FHIT: variants seen among roughly 807,000 people sequenced by gnomAD.
The protein encoded by FHIT is bis(5'-adenosyl)-triphosphatase.
In FHIT, 19 loss-of-function variants were observed where a neutral mutation model predicts 17.9. The observed-to-expected ratio is 1.06, with a 90% CI of 0.74 to 1.56. The LOEUF (loss-of-function observed/expected upper bound fraction) is 1.56, where lower values mean the gene tolerates loss of function less well. Ranked by LOEUF, FHIT falls within the 40% of genes most tolerant of loss-of-function variation. The probability of loss-of-function intolerance (pLI) is 0.00; values close to 1 mark genes in which losing one functional copy is unlikely to be tolerated. For synonymous variants in FHIT, 81 were observed against 69.7 expected (o/e 1.16, Z -0.81); for missense variants, 248 against 189.2 (o/e 1.31, Z -1.82).
At chr3:59,834,073 A>T (rs1010528172) in intron 8 of FHIT, among the ~76,000 whole-genome samples, 3 of 152,210 alleles carry the variant, frequency 2.0e-5, no homozygotes, top group Admixed American at 2.0e-4. Context: ...TAATACAGCT[A>T]TATTGCCATA....
At chr3:60,395,130 A>G (rs1437775829) in intron 5 of FHIT, among the ~76,000 whole-genome samples, 1 of 152,300 alleles carries the variant, frequency 6.6e-6, no homozygotes. Context: ...CAGAAATAGA[A>G]TTGAGTAGAA....
intron 5 of FHIT, among the ~76,000 whole-genome samples, chr3:60,411,424 A>G (rs1451269769): frequency 2.0e-5 from 3 of 152,194 alleles, no homozygotes; most frequent in Non-Finnish European, 4.4e-5. Flanking sequence ...CAGTAACCCT[A>G]CATTAGGGGA....
At chr3:61,153,815 A>G (rs1037707776) in intron 2 of FHIT, among the ~76,000 whole-genome samples, 1 of 152,204 alleles carries the variant, frequency 6.6e-6, no homozygotes, top group Non-Finnish European at 1.5e-5. Context: ...GCCTCGAGGT[A>G]TGTTTACAAT....
At chr3:59,926,773 T>C (rs771707847) in intron 7 of FHIT, among the ~76,000 whole-genome samples, 1 of 152,188 alleles carries the variant, frequency 6.6e-6, no homozygotes, top group Non-Finnish European at 1.5e-5. Context: ...AAAACCACAC[T>C]GAGCTACTAC....
chr3:60,348,189 G>GT (rs1710893982), intron 5 of FHIT, among the ~76,000 whole-genome samples: 1 of 150,870 alleles, frequency 6.6e-6, no homozygotes, highest in Admixed American at 6.6e-5. Context: ...ATTGACAAAT[G>GT]TTTGTTTAAC....
At chr3:59,761,522 G>T (rs1033196666) in intron 8 of FHIT, among the ~76,000 whole-genome samples, 3 of 151,934 alleles carry the variant, frequency 2.0e-5, no homozygotes, top group Non-Finnish European at 4.4e-5. Flanking sequence ...TAACAACCAA[G>T]AATAAAATAG....
At chr3:60,144,079 G>A (rs1352645322) in intron 5 of FHIT, among the ~76,000 whole-genome samples, 2 of 152,132 alleles carry the variant, frequency 1.3e-5, no homozygotes, top group Non-Finnish European at 2.9e-5. Flanking sequence ...CTCTTCAAAT[G>A]TGTGCTTTAT....
intron 4 of FHIT, among the ~76,000 whole-genome samples, chr3:60,767,721 A>G (rs553266462): frequency 6.6e-5 from 10 of 152,358 alleles, no homozygotes; most frequent in African/African-American, 1.7e-4. Context: ...GGCAAGCTCT[A>G]GATTAGAATC....
At chr3:61,052,369 AG>A (rs2034058703) in intron 2 of FHIT, among the ~76,000 whole-genome samples, 2 of 152,174 alleles carry the variant, frequency 1.3e-5, no homozygotes. Context: ...AACTGGCCCA[AG>A]TTCGACAGCC....
chr3:60,699,597 CG>C (rs202125260), intron 4 of FHIT, among the ~76,000 whole-genome samples: 1 of 145,318 alleles, frequency 6.9e-6, no homozygotes, highest in African/African-American at 2.8e-5. Context: ...AAAGCATTAT[CG>C]TTAGTGGGTG....
At chr3:60,245,427 A>T (rs921574380) in intron 5 of FHIT, among the ~76,000 whole-genome samples, 5 of 152,080 alleles carry the variant, frequency 3.3e-5, no homozygotes, top group Non-Finnish European at 7.4e-5. Context: ...AGGGTTCAAT[A>T]TTCAAAGTAC....
chr3:61,103,163 T>C (rs1198729639), intron 2 of FHIT, among the ~76,000 whole-genome samples: 2 of 152,256 alleles, frequency 1.3e-5, no homozygotes, highest in Admixed American at 6.5e-5. Flanking sequence ...CAATTTTATA[T>C]CTTTCCTGCT....
chr3:59,934,904 A>G (rs1473578557), intron 7 of FHIT, among the ~76,000 whole-genome samples: 1 of 152,148 alleles, frequency 6.6e-6, no homozygotes, highest in Non-Finnish European at 1.5e-5. Context: ...ACAATTCAAG[A>G]TGAGATTTGG....
At chr3:60,444,654 C>G (rs12163553) in intron 5 of FHIT, among the ~76,000 whole-genome samples, 1 of 151,824 alleles carries the variant, frequency 6.6e-6, no homozygotes, top group Admixed American at 6.6e-5. Flanking sequence ...ATGAGAACAC[C>G]TGGACACAGG....
intron 5 of FHIT, among the ~76,000 whole-genome samples, chr3:60,383,984 A>C (rs1448044203): frequency 6.6e-6 from 1 of 152,154 alleles, no homozygotes; most frequent in East Asian, 1.9e-4. Context: ...ATTTTTGGAG[A>C]TAGGACAGGC....
rs143145571 is a variant in FHIT at position 60,737,210 on chromosome 3, G to A, written c.-18+84709C>T. Among the ~76,000 whole-genome samples the A allele has an allele frequency of 4.8e-3, 736 of 152,254 alleles. 5 individuals carry two copies. The highest frequency in any genetic ancestry group is 0.017 in the African/African-American group (695 of 41,560). ...CCCATGAAACATTCAGAGCCTCCTT[G>A]TTAATAAACTACATTATGAGCCGGA... On this transcript the variant is annotated intron_variant, in intron 4 of 9. Coordinates refer to ENST00000492590, the MANE Select transcript of FHIT (RefSeq NM_002012.4).
At chr3:60,274,564 A>C (rs1051760692) in intron 5 of FHIT, among the ~76,000 whole-genome samples, 2 of 152,222 alleles carry the variant, frequency 1.3e-5, no homozygotes, top group Non-Finnish European at 2.9e-5. Context: ...ATGATATGGA[A>C]ACAAAAACTT....
intron 3 of FHIT, among the ~76,000 whole-genome samples, chr3:60,908,365 C>A (rs880001966): frequency 1.3e-5 from 2 of 152,290 alleles, no homozygotes; most frequent in East Asian, 3.9e-4. Flanking sequence ...GAGGTTTAGA[C>A]TATGCTGAAA....
Position 59,861,560 on chromosome 3 carries a change from A to G in FHIT, c.348+60786T>C, listed in dbSNP as rs180818138. Among the ~76,000 whole-genome samples, 26 of 152,270 alleles carry G rather than the reference A, an allele frequency of 1.7e-4. No homozygotes were observed. In the East Asian group the frequency reaches 4.1e-3, roughly 24 times the overall value. On this transcript the variant is annotated intron_variant, in intron 8 of 9. Transcript: ENST00000492590. ...TAGCACTTCTGCCAAATAATCACTA[A>G]CTAAAAATATTCCCTCCTTGATAAT...
Sources: gnomAD v4.1 joint callset for allele counts (sites outside exome capture counted in the v4.1 genomes callset) on GRCh38, gnomAD v4.1.1 for gene constraint, MANE v1.5 for transcripts, NCBI Gene and HGNC (gene_info 2026-07-23, HGNC 2026-07-21) for gene names.